The following DCDC1 variants were observed in gnomAD, a reference collection of about 807,000 sequenced individuals.
DCDC1 encodes the protein doublecortin domain containing 1.
Under a neutral mutation model 178.3 loss-of-function variants are expected in DCDC1, and 200 were observed. That is an observed-to-expected ratio of 1.12 (90% CI 1.00 to 1.26). The LOEUF (loss-of-function observed/expected upper bound fraction) is 1.26, where lower values mean the gene tolerates loss of function less well. DCDC1 is among the 50% of genes most tolerant of loss of function. The pLI is 0.00. For missense variants in DCDC1, 1,983 were observed against 1,749.2 expected, an observed-to-expected ratio of 1.13 and a Z score of -2.38; for synonymous variants, 690 against 604.8, an observed-to-expected ratio of 1.14 and a Z score of -2.07.
intron 32 of DCDC1, among the ~76,000 whole-genome samples, 156 bp from the exon 33 acceptor site, chr11:30,900,654 CA>C (rs1944592555): frequency 6.6e-6 from 1 of 152,116 alleles, no homozygotes; most frequent in Admixed American, 6.5e-5. Flanking sequence ...TAATTTTGGT[CA>C]GAAACTTCAT....
chr11:31,294,304 G>T (rs1947441839), intron 6 of DCDC1, among the ~76,000 whole-genome samples: 1 of 151,986 alleles, frequency 6.6e-6, no homozygotes, highest in African/African-American at 2.4e-5. Flanking sequence ...AACAGAATGG[G>T]CGCTGTGGCT....
intron 7 of DCDC1, among the ~76,000 whole-genome samples, chr11:31,281,465 A>C (rs367724986): frequency 1.3e-5 from 2 of 152,066 alleles, no homozygotes; most frequent in African/African-American, 4.8e-5. Flanking sequence ...TTTTTTAATA[A>C]GTGAATATTA....
At chr11:30,902,211 C>G (rs561369289) in intron 32 of DCDC1, among the ~76,000 whole-genome samples, 53 of 152,184 alleles carry the variant, frequency 3.5e-4, no homozygotes, top group African/African-American at 1.2e-3. Flanking sequence ...ATAAGGGCTT[C>G]TCTTCTTGTG....
At chr11:31,102,106 A>T (rs1363364544) in intron 15 of DCDC1, 71 bp downstream of exon 15, 6 of 533,148 alleles carry the variant, frequency 1.1e-5, no homozygotes, top group Non-Finnish European at 1.4e-5. Context: ...TGTCACAAAT[A>T]TTCATTATAT....
At chr11:31,366,126 G>A (rs1951945651) in intron 1 of DCDC1, among the ~76,000 whole-genome samples, 1 of 151,982 alleles carries the variant, frequency 6.6e-6, no homozygotes, top group South Asian at 2.1e-4. Context: ...TACAGAGGAA[G>A]AAACCAAAGC....
At chr11:30,918,125 G>GA (rs149058248) in intron 25 of DCDC1, among the ~76,000 whole-genome samples, 80 of 143,482 alleles carry the variant, frequency 5.6e-4, no homozygotes, top group South Asian at 1.3e-3. Flanking sequence ...TGGGGAAAAG[G>GA]AAAAAAAAAA....
intron 20 of DCDC1, among the ~76,000 whole-genome samples, chr11:31,002,326 C>CT (rs1202913700): frequency 6.6e-5 from 10 of 152,126 alleles, no homozygotes; most frequent in African/African-American, 2.4e-4. Context: ...TTAATATATT[C>CT]TTTTTTAACA....
At chr11:31,254,430 A>G (rs891067137) in intron 8 of DCDC1, among the ~76,000 whole-genome samples, 6 of 152,188 alleles carry the variant, frequency 3.9e-5, no homozygotes, top group Non-Finnish European at 8.8e-5. Context: ...ATTGAGGGAT[A>G]TTTAGGGAGA....
intron 3 of DCDC1, among the ~76,000 whole-genome samples, chr11:31,322,075 G>T (rs1229835456): frequency 6.6e-6 from 1 of 152,108 alleles, no homozygotes. Flanking sequence ...GTCCTGTTTT[G>T]CATATTGCCA....
intron 6 of DCDC1, among the ~76,000 whole-genome samples, chr11:31,303,610 ATAT>A (rs2137560857): frequency 6.6e-6 from 1 of 152,226 alleles, no homozygotes; most frequent in South Asian, 2.1e-4. Flanking sequence ...ATCAAGTTAA[ATAT>A]TATCTTTCAT....
At position 31,144,038 on chromosome 11, in the gene DCDC1, T is replaced by C. The variant is rs191606466; in HGVS notation, c.1222-6254A>G. 4.6e-3 allele frequency among the ~76,000 whole-genome samples: 693 copies of C among 152,142 alleles called. 4 individuals are homozygous for C. Among genetic ancestry groups the C allele is most frequent in the Non-Finnish European group, 7.6e-3 (517 of 68,002 alleles). ...CCAAAACACAACCATTTTAAAAGAG[T>C]ATTATTTTAAAAGGGTTATAATTTG... On this transcript the variant is annotated intron_variant, in intron 9 of 38. Coordinates refer to ENST00000684477, the MANE Select transcript of DCDC1 (RefSeq NM_001387274.1).
At position 31,096,933 on chromosome 11, in the gene DCDC1, G is replaced by A. The variant is rs561987117; in HGVS notation, c.1984-2749C>T. On this transcript the variant is annotated intron_variant, in intron 15 of 38. Transcript: ENST00000684477. ...TGTATGTGTGTGTGTGTGTGTGTGC[G>A]CGCGCCCGTGTACACACATGCATGC... Among the ~76,000 whole-genome samples the A allele has an allele frequency of 2.2e-4, 33 of 152,236 alleles. No individual in the cohort carries two copies. In the South Asian group the frequency reaches 4.1e-3, roughly 19 times the overall value.
chr11:31,323,375 C>G (rs1949473005), intron 3 of DCDC1, among the ~76,000 whole-genome samples: 1 of 152,172 alleles, frequency 6.6e-6, no homozygotes, highest in African/African-American at 2.4e-5. Context: ...CAAAATGTCT[C>G]TTTTTCTTAT....
At chr11:31,271,010 C>G (rs1236332076) in intron 7 of DCDC1, among the ~76,000 whole-genome samples, 1 of 152,164 alleles carries the variant, frequency 6.6e-6, no homozygotes, top group Non-Finnish European at 1.5e-5. Context: ...CCAGCCACTT[C>G]TATTTCATTT....
intron 6 of DCDC1, among the ~76,000 whole-genome samples, chr11:31,295,575 G>C (rs912015471): frequency 2.0e-5 from 3 of 152,116 alleles, no homozygotes; most frequent in African/African-American, 7.2e-5. Context: ...ACTGATTCTG[G>C]GGCATAGTAG....
intron 21 of DCDC1, among the ~76,000 whole-genome samples, chr11:30,936,981 CCT>C (rs1294478812): frequency 6.6e-6 from 1 of 152,076 alleles, no homozygotes; most frequent in Non-Finnish European, 1.5e-5. Context: ...TTAACCCTCC[CCT>C]GTTGCCTTCC....
chr11:31,274,606 G>A (rs1043122534), intron 7 of DCDC1, among the ~76,000 whole-genome samples: 4 of 149,836 alleles, frequency 2.7e-5, no homozygotes, highest in African/African-American at 9.8e-5. Flanking sequence ...GTCAGCATAT[G>A]AAAGGGGAGA....
chr11:30,971,283 G>A (rs866359035), intron 20 of DCDC1, among the ~76,000 whole-genome samples: 1 of 151,880 alleles, frequency 6.6e-6, no homozygotes, highest in Non-Finnish European at 1.5e-5. Flanking sequence ...ATCTCCAAAA[G>A]AACAAAAGAA....
intron 25 of DCDC1, among the ~76,000 whole-genome samples, chr11:30,920,408 A>C (rs1436963216): frequency 1.3e-5 from 2 of 152,238 alleles, no homozygotes; most frequent in African/African-American, 4.8e-5. Context: ...TGATCCAGAA[A>C]GATAACTGTA....
Sources: allele counts gnomAD v4.1 joint callset (sites outside exome capture counted in the v4.1 genomes callset), GRCh38; gene constraint gnomAD v4.1.1; transcripts MANE v1.5; gene names NCBI Gene and HGNC (gene_info 2026-07-23, HGNC 2026-07-21).